Variants in BRWD3 observed in about 807,000 individuals in gnomAD.
The protein encoded by BRWD3 is bromodomain and WD repeat domain containing 3.
A neutral mutation model predicts 149.7 loss-of-function variants in BRWD3; 10 were observed. The observed-to-expected ratio is 0.07, with a 90% confidence interval of 0.04 to 0.11. The LOEUF (loss-of-function observed/expected upper bound fraction) is 0.11. Ranked by LOEUF, BRWD3 falls within the 10% of genes least tolerant of loss-of-function variation. The probability of loss-of-function intolerance (pLI) is 1.00; values close to 1 mark genes in which losing one functional copy is unlikely to be tolerated. For missense variants in BRWD3, 940 were observed against 1,373.2 expected (o/e 0.68, Z 4.99); for synonymous variants, 504 against 456.7 (o/e 1.10, Z -1.32).
rs1469852213 is a variant in BRWD3, at chrX:80,706,056, T to C, written c.2553-1210A>G. Among the ~76,000 whole-genome samples, 5 of 112,627 alleles carry C rather than the reference T, an allele frequency of 4.4e-5. No homozygotes were observed. The East Asian group carries it at 1.4e-3, about 31-fold the overall frequency. ...ATACTTTTTAGTGTTTTTTAACTTT[T>C]TGACTTTTTTGTAATAACACTTAGC... On this transcript the variant is annotated intron_variant, in intron 22 of 40. Transcript: ENST00000373275.
chrX:80,783,742 T>TA (rs1028569622), intron 6 of BRWD3, among the ~76,000 whole-genome samples: 4 of 109,413 alleles, frequency 3.7e-5, no homozygotes, highest in East Asian at 2.9e-4. Flanking sequence ...TATTCAGACA[T>TA]AAAAAAAAAT....
At position 80,674,127 on chromosome X, in the gene BRWD3, A is replaced by G. The variant is rs2072344252; in HGVS notation, c.*2482T>C. 1 of 111,953 alleles carries G rather than the reference A, an allele frequency of 8.9e-6. No individual in the cohort carries two copies. Among genetic ancestry groups the G allele is most frequent in the African/African-American group, 3.2e-5 (1 of 30,907 alleles). 9.2% of individuals were successfully genotyped at this position (111,953 alleles called of 1,213,427 possible). A position where few individuals can be genotyped will look rare whatever the true frequency, so the allele number is the denominator to read the frequency against. On this transcript the variant is annotated 3_prime_UTR_variant, in exon 41 of 41. Transcript: ENST00000373275. ...TAAATGATAACTATGTTTATCTAAC[A>G]TACCCTGATGACTAACTCTTTAAAT... is the stretch of plus-strand genomic sequence containing the variant.
At chrX:80,807,616 G>C (rs1465351973) in intron 4 of BRWD3, among the ~76,000 whole-genome samples, 1 of 111,411 alleles carries the variant, frequency 9.0e-6, no homozygotes, top group African/African-American at 3.3e-5. Flanking sequence ...TAACACAAGG[G>C]AACCTCCCCC....
chrX:80,773,575 C>A (rs1326283088), intron 6 of BRWD3, among the ~76,000 whole-genome samples: 1 of 111,657 alleles, frequency 9.0e-6, no homozygotes, highest in East Asian at 2.8e-4. Context: ...CAGCACTAAG[C>A]TAACTAAGCT....
At chrX:80,682,700 A>C (rs988020610) in intron 37 of BRWD3, 72 bp from the exon 38 acceptor site, 1 of 987,296 alleles carries the variant, frequency 1.0e-6, no homozygotes, top group Non-Finnish European at 1.4e-6. Flanking sequence ...TGCCTAGACC[A>C]ATATTAAGCA....
At chrX:80,745,830 A>G in intron 6 of BRWD3, 101 bp from the exon 7 acceptor site, 1 of 787,899 alleles carries the variant, frequency 1.3e-6, no homozygotes. Flanking sequence ...TACATATATT[A>G]TAGCAATTCT....
At chrX:80,725,984 T>G (rs1191180292) in intron 14 of BRWD3, among the ~76,000 whole-genome samples, 2 of 102,621 alleles carry the variant, frequency 1.9e-5, no homozygotes, top group Non-Finnish European at 4.0e-5. Flanking sequence ...ATGTTATATG[T>G]CTATATAACA....
chrX:80,754,138 A>G (rs183449786), intron 6 of BRWD3, among the ~76,000 whole-genome samples: 1 of 112,142 alleles, frequency 8.9e-6, no homozygotes, highest in Non-Finnish European at 1.9e-5. Flanking sequence ...ATTGTTTTTT[A>G]CAGTCCATGA....
At chrX:80,770,281 T>C (rs1277573129) in intron 6 of BRWD3, among the ~76,000 whole-genome samples, 1 of 111,479 alleles carries the variant, frequency 9.0e-6, no homozygotes, top group Non-Finnish European at 1.9e-5. Flanking sequence ...TACCAAAGCC[T>C]GGCAGAGACA....
rs922995279 is a variant in BRWD3 at position 80,672,678 on chromosome X, T to C, written c.*3931A>G. On this transcript the variant is annotated 3_prime_UTR_variant, in exon 41 of 41. Transcript: ENST00000373275. ...TATTCTATTTCTGATAAACCTTTCA[T>C]AAAGCCTCACGTTCCACAAAAATAT... 8 of 111,867 alleles carry C rather than the reference T, an allele frequency of 7.2e-5. No individual in the cohort carries two copies. The highest frequency in any genetic ancestry group is 2.6e-4 in the African/African-American group (8 of 30,769). The allele number at this position is 111,867 out of a possible 1,213,427, so 9.2% of individuals were successfully genotyped here. A position where few individuals can be genotyped will look rare whatever the true frequency, so the allele number is the denominator to read the frequency against.
chrX:80,730,427 AAGAAAG>A (rs1369988213), intron 12 of BRWD3, among the ~76,000 whole-genome samples: 8 of 109,963 alleles, frequency 7.3e-5, no homozygotes, highest in Admixed American at 2.0e-4. Flanking sequence ...GAAAGAAAGA[AAGAAAG>A]AAAGAAAGAA....
chrX:80,771,859 A>G (rs191962119), intron 6 of BRWD3, among the ~76,000 whole-genome samples: 182 of 112,220 alleles, frequency 1.6e-3, no homozygotes, highest in African/African-American at 5.4e-3. Context: ...CAAGAGACAC[A>G]TGAAAAAATG....
intron 17 of BRWD3, among the ~76,000 whole-genome samples, chrX:80,719,980 C>T (rs1269215851): frequency 9.0e-6 from 1 of 111,190 alleles, no homozygotes; most frequent in African/African-American, 3.3e-5. Flanking sequence ...AGCTGAAAAA[C>T]TCTTATTGTT....
chrX:80,698,521 C>A (rs1346753541), intron 25 of BRWD3, among the ~76,000 whole-genome samples: 1 of 110,292 alleles, frequency 9.1e-6, no homozygotes, highest in African/African-American at 3.3e-5. Context: ...CCAGCCTGGC[C>A]AACATGGTGA....
intron 33 of BRWD3, among the ~76,000 whole-genome samples, chrX:80,689,066 C>T (rs2072575322): frequency 9.0e-6 from 1 of 111,176 alleles, no homozygotes; most frequent in Non-Finnish European, 1.9e-5. Flanking sequence ...TGCAAAATAT[C>T]TCATGCCACT....
At chrX:80,712,724 C>T (rs892901157) in intron 20 of BRWD3, among the ~76,000 whole-genome samples, 2 of 110,390 alleles carry the variant, frequency 1.8e-5, no homozygotes, top group African/African-American at 6.6e-5. Context: ...TCCCGGCCGC[C>T]CATCGTCTGA....
intron 6 of BRWD3, among the ~76,000 whole-genome samples, chrX:80,788,302 A>G (rs763832909): frequency 9.1e-6 from 1 of 109,777 alleles, no homozygotes; most frequent in Admixed American, 9.8e-5. Context: ...GGAGGAGACA[A>G]CTGCACATTG....
chrX:80,725,459 T>C (rs2073203643), intron 14 of BRWD3, among the ~76,000 whole-genome samples: 1 of 112,145 alleles, frequency 8.9e-6, no homozygotes, highest in Non-Finnish European at 1.9e-5. Context: ...TCTCTATTAC[T>C]GGTATTCAAA....
rs1412561108 is a variant in BRWD3, at chrX:80,669,671, C to T, written c.*6938G>A. Among the ~76,000 whole-genome samples the T allele has an allele frequency of 3.6e-5, 4 of 111,127 alleles. No individual in the cohort carries two copies. The highest frequency in any genetic ancestry group is 7.6e-5 in the Non-Finnish European group (4 of 52,967). On this transcript the variant is annotated 3_prime_UTR_variant, in exon 41 of 41. Transcript: ENST00000373275. ...TTAGCAGTTTCCTTGACTTAAATTA[C>T]TTAACAGACTATACAAAATTGCCAA...
Sources: gnomAD v4.1 joint callset for allele counts (sites outside exome capture counted in the v4.1 genomes callset) on GRCh38, gnomAD v4.1.1 for gene constraint, MANE v1.5 for transcripts, NCBI Gene and HGNC (gene_info 2026-07-23, HGNC 2026-07-21) for gene names.